Variants in BCAS3 observed in about 807,000 individuals in gnomAD.
BCAS3 encodes the protein BCAS3 microtubule associated cell migration factor.
A neutral mutation model predicts 116.1 loss-of-function variants in BCAS3; 53 were observed. That is an observed-to-expected ratio of 0.46 (90% CI 0.37 to 0.57). BCAS3 has a LOEUF of 0.57. Among genes scored for constraint, BCAS3 ranks in the 20% least tolerant of loss-of-function variants. The probability of loss-of-function intolerance (pLI) is 0.00; values close to 1 mark genes in which losing one functional copy is unlikely to be tolerated. For synonymous variants in BCAS3, 391 were observed against 408.2 expected (o/e 0.96, Z 0.51); for missense variants, 917 against 1,165.4 (o/e 0.79, Z 3.10).
chr17:60,718,301 G>T (rs1287255019), intron 5 of BCAS3, among the ~76,000 whole-genome samples: 2 of 151,848 alleles, frequency 1.3e-5, no homozygotes, highest in African/African-American at 2.4e-5. Flanking sequence ...AACCAGAAGG[G>T]GTTCATACAG....
At chr17:60,954,302 CTCCAGCTT>C (rs1371546515) in intron 14 of BCAS3, among the ~76,000 whole-genome samples, 1 of 152,082 alleles carries the variant, frequency 6.6e-6, no homozygotes, top group Non-Finnish European at 1.5e-5. Context: ...AACATGATGC[CTCCAGCTT>C]TGTTCTTTTT....
intron 4 of BCAS3, among the ~76,000 whole-genome samples, chr17:60,690,018 A>T (rs766402276): frequency 2.0e-5 from 3 of 152,254 alleles, no homozygotes; most frequent in Non-Finnish European, 4.4e-5. Context: ...TCTTAGGCAG[A>T]AAAATGGTTT....
At position 61,380,702 on chromosome 17, in the gene BCAS3, A is replaced by G. The variant is rs1471565917; in HGVS notation, c.2594-11275A>G. The G allele has an allele frequency of 5.3e-6, 4 of 754,010 alleles. No homozygotes were observed. The East Asian group carries it at 1.1e-4, about 20-fold the overall frequency. 46.7% of individuals were successfully genotyped at this position (754,010 alleles called of 1,614,324 possible). A position where few individuals can be genotyped will look rare whatever the true frequency, so the allele number is the denominator to read the frequency against. ...CTCTAGGGAGGGCAGGGGTCAGCTCAGATGGGAGGTCTCTTCTGGAAGGGG... is the reference window on the plus strand; with the variant it reads ...CTCTAGGGAGGGCAGGGGTCAGCTCGGATGGGAGGTCTCTTCTGGAAGGGG... On this transcript the variant is annotated intron_variant, in intron 23 of 23. Transcript: ENST00000407086. The surrounding 1 kb of genome is among the most constrained non-coding windows in gnomAD (Gnocchi z 4.2).
chr17:60,819,520 G>A (rs1225403934), intron 7 of BCAS3, among the ~76,000 whole-genome samples: 1 of 152,110 alleles, frequency 6.6e-6, no homozygotes, highest in African/African-American at 2.4e-5. Flanking sequence ...ATGGTTATTT[G>A]CAGGTGACCA....
intron 6 of BCAS3, among the ~76,000 whole-genome samples, chr17:60,793,422 A>T (rs2046946983): frequency 1.3e-5 from 2 of 151,848 alleles, no homozygotes; most frequent in Admixed American, 1.3e-4. Flanking sequence ...TTTTTCCATA[A>T]GTTATTGGGG....
intron 22 of BCAS3, among the ~76,000 whole-genome samples, chr17:61,094,957 C>G (rs1366498214): frequency 6.6e-6 from 1 of 152,122 alleles, no homozygotes; most frequent in African/African-American, 2.4e-5. Context: ...TCCGAATGAC[C>G]AGTTTCATGT....
At chr17:61,042,045 C>G (rs1389618562) in intron 19 of BCAS3, among the ~76,000 whole-genome samples, 1 of 151,966 alleles carries the variant, frequency 6.6e-6, no homozygotes, top group Non-Finnish European at 1.5e-5. Flanking sequence ...CGTGTGTTGC[C>G]TATGGCATCA....
intron 5 of BCAS3, among the ~76,000 whole-genome samples, chr17:60,744,141 A>G (rs976641958): frequency 3.3e-5 from 5 of 152,078 alleles, no homozygotes; most frequent in Admixed American, 6.6e-5. Flanking sequence ...CCAAGTTACC[A>G]CAGTTGCCAG....
chr17:61,149,236 C>T (rs2077410926), intron 22 of BCAS3, among the ~76,000 whole-genome samples: 1 of 152,080 alleles, frequency 6.6e-6, no homozygotes, highest in Non-Finnish European at 1.5e-5. Context: ...GGAGTTAATG[C>T]ACCTCCACAA....
rs893980556 is a variant in BCAS3, at chr17:61,224,960, G to A, written c.2425+140396G>A. On this transcript the variant is annotated intron_variant, in intron 22 of 23. Coordinates refer to ENST00000407086, the MANE Select transcript of BCAS3 (RefSeq NM_017679.5). This position sits in a 1 kb window ranked among gnomAD's most constrained non-coding sequence, Gnocchi z 5.7. ...GTCTTTGGTTTTATGCACACAAAGAGAGAAACATTAGGATTGAATGCAAGC... is the reference window on the plus strand; with the variant it reads ...GTCTTTGGTTTTATGCACACAAAGAAAGAAACATTAGGATTGAATGCAAGC... Among the ~76,000 whole-genome samples, 1 of 152,150 alleles carries A rather than the reference G, an allele frequency of 6.6e-6. No individual in the cohort carries two copies. Among genetic ancestry groups the A allele is most frequent in the Non-Finnish European group, 1.5e-5 (1 of 68,036 alleles).
At chr17:60,832,864 A>G (rs1031490535) in intron 7 of BCAS3, among the ~76,000 whole-genome samples, 10 of 152,168 alleles carry the variant, frequency 6.6e-5, no homozygotes, top group African/African-American at 2.4e-4. Flanking sequence ...AATCTTTGTG[A>G]AAGTTAATAT....
chr17:61,121,811 A>G (rs1032848513), intron 22 of BCAS3, among the ~76,000 whole-genome samples: 1 of 152,112 alleles, frequency 6.6e-6, no homozygotes, highest in Non-Finnish European at 1.5e-5. Context: ...GCTCACTGCA[A>G]TTTCCGCCTC....
In BCAS3 at chr17:60,724,254, C is replaced by T. The variant is rs115155393; in HGVS notation, c.321+14929C>T. Among the ~76,000 whole-genome samples the T allele has an allele frequency of 9.2e-3, 1,384 of 149,820 alleles. 24 individuals carry two copies. The highest frequency in any genetic ancestry group is 0.032 in the African/African-American group (1,288 of 40,754). On this transcript the variant is annotated intron_variant, in intron 5 of 23. Coordinates refer to ENST00000407086, the MANE Select transcript of BCAS3 (RefSeq NM_017679.5). Reference sequence around the variant, plus strand: ...GCCTGGCCAACATGGTGAAACAGTTCGCTACTGAAAATACAAAAATTAGCT... The same window carrying T: ...GCCTGGCCAACATGGTGAAACAGTTTGCTACTGAAAATACAAAAATTAGCT...
intron 19 of BCAS3, among the ~76,000 whole-genome samples, chr17:61,062,414 A>G (rs2070151792): frequency 6.6e-6 from 1 of 152,218 alleles, no homozygotes; most frequent in African/African-American, 2.4e-5. Flanking sequence ...AACAGTTGTT[A>G]TTCACAAGCT....
chr17:60,916,606 A>G (rs899709266), intron 12 of BCAS3, among the ~76,000 whole-genome samples: 1 of 152,186 alleles, frequency 6.6e-6, no homozygotes, highest in African/African-American at 2.4e-5. Flanking sequence ...ATATTTGATG[A>G]TTGCGTTAGA....
At chr17:60,835,092 T>A (rs2051254684) in intron 7 of BCAS3, among the ~76,000 whole-genome samples, 1 of 151,976 alleles carries the variant, frequency 6.6e-6, no homozygotes, top group Admixed American at 6.6e-5. Context: ...TTTTGTTATC[T>A]ATCAGAAGAA....
intron 22 of BCAS3, among the ~76,000 whole-genome samples, chr17:61,202,748 C>G (rs561271027): frequency 2.0e-5 from 3 of 152,268 alleles, no homozygotes; most frequent in Admixed American, 2.0e-4. Flanking sequence ...AAGAGTATAT[C>G]TGACTCAGAA....
intron 10 of BCAS3, among the ~76,000 whole-genome samples, chr17:60,897,940 A>G (rs1221004526): frequency 6.6e-6 from 1 of 150,874 alleles, no homozygotes; most frequent in Non-Finnish European, 1.5e-5. Context: ...GGGTCCTGCC[A>G]TGTTGCCCAA....
rs528829845 is a variant in BCAS3 at position 61,235,193 on chromosome 17, C to A, written c.2426-133134C>A. Reference sequence around the variant, plus strand: ...TGAACCACCACGCCTGGCTGTCTGCCCCCCGCCTGTCCTAAGCACTTTAAA... The same window carrying A: ...TGAACCACCACGCCTGGCTGTCTGCACCCCGCCTGTCCTAAGCACTTTAAA... On this transcript the variant is annotated intron_variant, in intron 22 of 23. Coordinates refer to ENST00000407086, the MANE Select transcript of BCAS3 (RefSeq NM_017679.5). This position sits in a 1 kb window ranked among gnomAD's most constrained non-coding sequence, Gnocchi z 5.0. 1.3e-5 allele frequency among the ~76,000 whole-genome samples: 2 copies of A among 152,090 alleles called. No homozygotes were observed. The highest frequency in any genetic ancestry group is 6.6e-5 in the Admixed American group (1 of 15,260).
Sources: allele counts gnomAD v4.1 joint callset (sites outside exome capture counted in the v4.1 genomes callset), GRCh38; gene constraint gnomAD v4.1.1; non-coding constraint Gnocchi (gnomAD v3.1); transcripts MANE v1.5; gene names NCBI Gene and HGNC (gene_info 2026-07-23, HGNC 2026-07-21).